Variants in TAPT1 observed in about 807,000 individuals in gnomAD.
TAPT1 encodes transmembrane anterior posterior transformation 1.
Under a neutral mutation model 65.6 loss-of-function variants are expected in TAPT1, and 28 were observed. That is an observed-to-expected ratio of 0.43 (90% confidence interval 0.32 to 0.59). The LOEUF (loss-of-function observed/expected upper bound fraction) is 0.59. Among genes scored for constraint, TAPT1 ranks in the 20% least tolerant of loss-of-function variants. The probability of loss-of-function intolerance (pLI) is 0.09; values close to 1 mark genes in which losing one functional copy is unlikely to be tolerated. For missense variants in TAPT1, 563 were observed against 679.9 expected (o/e 0.83, Z 1.91); for synonymous variants, 278 against 245.2 (o/e 1.13, Z -1.25).
In TAPT1 at chr4:16,226,377, G is replaced by T. The variant is rs1185051228; in HGVS notation, c.81C>A (p.Gly27=). 5 of 1,104,828 alleles carry T rather than the reference G, an allele frequency of 4.5e-6. No individual in the cohort carries two copies. Among genetic ancestry groups the T allele is most frequent in the Non-Finnish European group, 5.5e-6 (5 of 908,186 alleles). The allele number at this position is 1,104,828 out of a possible 1,614,324, so 68.4% of individuals were successfully genotyped here. A position where few individuals can be genotyped will look rare whatever the true frequency, so the allele number is the denominator to read the frequency against. ...CGCTGCCGCCCGGCTGCTCCGCCTC[G>T]CCGCGGCCGTCCCGCTGCGGGCCGT... is the stretch of plus-strand genomic sequence containing the variant. ...GVDGPQRDGR[G]EAEQPGGSGG... Residue 27 remains glycine (G), a synonymous_variant, in exon 1 of 14, where the codon GGC becomes GGA. Coordinates refer to ENST00000405303, the MANE Select transcript of TAPT1 (RefSeq NM_153365.3).
chr4:16,199,133 T>A (rs917022633), intron 3 of TAPT1, among the ~76,000 whole-genome samples: 3 of 152,224 alleles, frequency 2.0e-5, no homozygotes, highest in Non-Finnish European at 2.9e-5. Flanking sequence ...AATGAAAATT[T>A]AAGTTTCATT....
chr4:16,174,341 C>T, intron 10 of TAPT1, 69 bp from the exon 11 acceptor site: 2 of 1,340,542 alleles, frequency 1.5e-6, no homozygotes, highest in Non-Finnish European at 2.1e-6. Flanking sequence ...GTACTATTCA[C>T]TTATTACCAG....
At chr4:16,196,674 G>A in intron 3 of TAPT1, 1 of 1,288,586 alleles carries the variant, frequency 7.8e-7, no homozygotes, top group Non-Finnish European at 1.0e-6. Context: ...GAGTCCCTGT[G>A]CCACCACATT....
At chr4:16,226,579 G>T, upstream of TAPT1, 1 of 626,414 alleles carries the variant, frequency 1.6e-6, no homozygotes, top group Non-Finnish European at 2.0e-6. Context: ...GCCGCCATCC[G>T]CGGCCCGCCG....
intron 2 of TAPT1, among the ~76,000 whole-genome samples, chr4:16,212,236 T>G (rs1750686567): frequency 1.3e-5 from 2 of 152,184 alleles, no homozygotes; most frequent in South Asian, 4.1e-4. Flanking sequence ...AGTTCATAAC[T>G]ACTCAGAAAG....
intron 2 of TAPT1, among the ~76,000 whole-genome samples, chr4:16,205,130 C>T (rs1246597479): frequency 6.6e-6 from 1 of 152,136 alleles, no homozygotes; most frequent in Admixed American, 6.5e-5. Flanking sequence ...GGTTTCTTCA[C>T]CTTTTAAAAA....
At chr4:16,181,894 AT>A (rs1184549021) in intron 7 of TAPT1, among the ~76,000 whole-genome samples, 1 of 152,210 alleles carries the variant, frequency 6.6e-6, no homozygotes, top group African/African-American at 2.4e-5. Flanking sequence ...AAAGCAGACT[AT>A]TTCAAAATAT....
chr4:16,186,434 T>C lies in TAPT1; in HGVS notation c.916+101A>G, dbSNP rs1481783779. On this transcript the variant is annotated intron_variant, in intron 7 of 13. Coordinates refer to ENST00000405303, the MANE Select transcript of TAPT1 (RefSeq NM_153365.3). ...TGATAGCATAAGAGAAGGTACAGTT[T>C]AAGCTGAAGAGTGGCCCAGAGAAAA... 6.8e-6 allele frequency: 5 copies of C among 731,226 alleles called. No individual in the cohort carries two copies. In the African/African-American group the frequency reaches 8.9e-5, roughly 13 times the overall value. The allele number at this position is 731,226 out of a possible 1,614,324, so 45.3% of individuals were successfully genotyped here.
In TAPT1 at chr4:16,215,333, C is replaced by A. The variant is rs150562364; in HGVS notation, c.200-1435G>T. ...ATATATATATATATCTCCTTAAAAGCCCTTGGAAAGACTTAGAAGCCAACT... is the reference window on the plus strand; with the variant it reads ...ATATATATATATATCTCCTTAAAAGACCTTGGAAAGACTTAGAAGCCAACT... On this transcript the variant is annotated intron_variant, in intron 1 of 13. Transcript: ENST00000405303. Among the ~76,000 whole-genome samples the A allele has an allele frequency of 9.2e-5, 14 of 152,010 alleles. No individual in the cohort carries two copies. In the East Asian group the frequency reaches 1.9e-3, roughly 21 times the overall value.
Position 16,170,650 on chromosome 4 carries a change from T to C in TAPT1, c.1313+3A>G. 1.9e-6 allele frequency: 3 copies of C among 1,608,286 alleles called. No individual in the cohort carries two copies. Among genetic ancestry groups the C allele is most frequent in the Non-Finnish European group, 2.6e-6 (3 of 1,174,938 alleles). Reference sequence around the variant, plus strand: ...CCAAAAACATATTCAAGAATAATCTTACCCAAAATAGAAGAGTATGACACA... The same window carrying C: ...CCAAAAACATATTCAAGAATAATCTCACCCAAAATAGAAGAGTATGACACA... On this transcript the variant is annotated splice_donor_region_variant and intron_variant, in intron 12 of 13. Transcript: ENST00000405303.
intron 12 of TAPT1, among the ~76,000 whole-genome samples, chr4:16,168,261 T>C (rs966301248): frequency 5.3e-5 from 8 of 152,182 alleles, no homozygotes; most frequent in African/African-American, 1.9e-4. Context: ...CACAGGCGTA[T>C]GCCACCACGC....
intron 3 of TAPT1, among the ~76,000 whole-genome samples, chr4:16,192,342 T>A (rs1219729290): frequency 6.6e-6 from 1 of 152,228 alleles, no homozygotes; most frequent in African/African-American, 2.4e-5. Context: ...CGTTAATTTC[T>A]ATCATTAGGA....
At chr4:16,195,126 G>T (rs1156993135) in intron 3 of TAPT1, among the ~76,000 whole-genome samples, 1 of 152,184 alleles carries the variant, frequency 6.6e-6, no homozygotes, top group Admixed American at 6.5e-5. Context: ...AAAGACAGCT[G>T]TATGTACCAC....
chr4:16,167,825 T>C (rs548317334), intron 12 of TAPT1, among the ~76,000 whole-genome samples: 4 of 152,214 alleles, frequency 2.6e-5, no homozygotes, highest in Non-Finnish European at 5.9e-5. Context: ...TAAATGGCCT[T>C]ATAACATCAC....
rs3749542 is a variant in TAPT1, at chr4:16,163,616, G to A, written c.1475-79C>T. The A allele has an allele frequency of 2.2e-4, 267 of 1,216,242 alleles. 2 individuals carry two copies. In the East Asian group the frequency reaches 6.2e-3, roughly 28 times the overall value. The allele number at this position is 1,216,242 out of a possible 1,614,324, so 75.3% of individuals were successfully genotyped here. On this transcript the variant is annotated intron_variant, in intron 13 of 13. Transcript: ENST00000405303. Reference sequence around the variant, plus strand: ...TAAATACAAACTTACCAATACAGTGGTGCTGAAAAAAGTGCCCATTATCCA... The same window carrying A: ...TAAATACAAACTTACCAATACAGTGATGCTGAAAAAAGTGCCCATTATCCA...
intron 7 of TAPT1, among the ~76,000 whole-genome samples, chr4:16,181,833 G>A (rs1748729710): frequency 6.6e-6 from 1 of 152,226 alleles, no homozygotes; most frequent in Non-Finnish European, 1.5e-5. Flanking sequence ...CTCCCAAAGT[G>A]TTGGGATTAC....
rs1364165927 is a variant in TAPT1, at chr4:16,161,131, T to C, written c.*2177A>G. 1 of 152,634 alleles carries C rather than the reference T, an allele frequency of 6.6e-6. No individual in the cohort carries two copies. Among genetic ancestry groups the C allele is most frequent in the African/African-American group, 2.4e-5 (1 of 41,450 alleles). The allele number at this position is 152,634 out of a possible 1,614,324, so 9.5% of individuals were successfully genotyped here. On this transcript the variant is annotated 3_prime_UTR_variant, in exon 14 of 14. Transcript: ENST00000405303. The stretch of plus-strand genomic sequence containing the variant: ...TATAATCAAGGCCGAGCCTATTTTT[T>C]CCAAAGACAAAATTAAACATTTTGC...
At chr4:16,205,654 G>A (rs774289869) in intron 2 of TAPT1, among the ~76,000 whole-genome samples, 2 of 152,058 alleles carry the variant, frequency 1.3e-5, no homozygotes, top group African/African-American at 4.8e-5. Flanking sequence ...GCAAGAGATA[G>A]CAGAGATGTC....
upstream of TAPT1, chr4:16,227,374 T>C: frequency 2.2e-6 from 1 of 451,136 alleles, no homozygotes; most frequent in South Asian, 1.6e-5. Context: ...GCAACGAGCG[T>C]GGTGTCGAGA....
Sources: gnomAD v4.1 joint callset for allele counts (sites outside exome capture counted in the v4.1 genomes callset) on GRCh38, gnomAD v4.1.1 for gene constraint, MANE v1.5 for transcripts, NCBI Gene and HGNC (gene_info 2026-07-23, HGNC 2026-07-21) for gene names.